SLC5A7: variants seen among roughly 807,000 people sequenced by gnomAD.
SLC5A7 encodes the protein solute carrier family 5 member 7.
A neutral mutation model predicts 55.4 loss-of-function variants in SLC5A7; 19 were observed. That is an observed-to-expected ratio of 0.34 (90% CI 0.24 to 0.50). The LOEUF (loss-of-function observed/expected upper bound fraction) is 0.50, where lower values mean the gene tolerates loss of function less well. Among genes scored for constraint, SLC5A7 ranks in the 20% least tolerant of loss-of-function variants. SLC5A7 has a pLI of 0.98. For synonymous variants in SLC5A7, 265 were observed against 263.7 expected, an observed-to-expected ratio of 1.00 and a Z score of -0.05; for missense variants, 506 against 705.3, an observed-to-expected ratio of 0.72 and a Z score of 3.20.
Position 108,010,438 on chromosome 2 carries a change from T to A in SLC5A7, c.1320T>A (p.Val440=), listed in dbSNP as rs1477392149. 1.2e-6 allele frequency: 2 copies of A among 1,613,816 alleles called. No individual in the cohort carries two copies. Among genetic ancestry groups the A allele is most frequent in the Non-Finnish European group, 8.5e-7 (1 of 1,179,938 alleles). Residue 440 remains valine (V), a synonymous_variant, in exon 9 of 9, where the codon GTT becomes GTA. Coordinates refer to ENST00000264047, the MANE Select transcript of SLC5A7 (RefSeq NM_021815.5). ...TNTYGAVAGY[V]SGLFLRITGG... ...CCTATGGGGCCGTGGCAGGTTATGT[T>A]TCTGGCCTCTTCCTGAGAATAACTG...
In SLC5A7 at chr2:107,987,988, G is replaced by T. The variant is rs1677312320; in HGVS notation, c.-51-117G>T. On this transcript the variant is annotated intron_variant, in intron 1 of 8. Coordinates refer to ENST00000264047, the MANE Select transcript of SLC5A7 (RefSeq NM_021815.5). Reference sequence around the variant, plus strand: ...TGCCCGTTTCACGTGTGGTTTCAGGGTTGTACTCTTTCTGTGAGTGGCACA... The same window carrying T: ...TGCCCGTTTCACGTGTGGTTTCAGGTTTGTACTCTTTCTGTGAGTGGCACA... 1.3e-5 allele frequency: 7 copies of T among 546,864 alleles called. No individual in the cohort carries two copies. The South Asian group carries it at 2.4e-4, about 19-fold the overall frequency. 33.9% of individuals were successfully genotyped at this position (546,864 alleles called of 1,614,324 possible).
chr2:108,005,069 A>C (rs1208893894), intron 6 of SLC5A7, among the ~76,000 whole-genome samples: 1 of 152,204 alleles, frequency 6.6e-6, no homozygotes, highest in African/African-American at 2.4e-5. Context: ...TTCTGTACTA[A>C]CGTATGATGT....
At position 108,012,804 on chromosome 2, in the gene SLC5A7, A is replaced by C. The variant is rs2046510; in HGVS notation, c.*1943A>C. 85,084 of 151,942 alleles carry C rather than the reference A, an allele frequency of 0.56. 24,078 individuals carry two copies. The highest frequency in any genetic ancestry group is 0.71 in the East Asian group (3,664 of 5,150). The allele number at this position is 151,942 out of a possible 1,614,324, so 9.4% of individuals were successfully genotyped here. On this transcript the variant is annotated 3_prime_UTR_variant, in exon 9 of 9. Coordinates refer to ENST00000264047, the MANE Select transcript of SLC5A7 (RefSeq NM_021815.5). ...ATTGAAAAAAGAGAAAGGGGCAAGAAATTCATTAAAGAAAAACCACAGATA... is the reference window on the plus strand; with the variant it reads ...ATTGAAAAAAGAGAAAGGGGCAAGACATTCATTAAAGAAAAACCACAGATA...
rs1258335882 is a variant in SLC5A7 at position 108,013,950 on chromosome 2, T to A, written c.*3089T>A. On this transcript the variant is annotated 3_prime_UTR_variant, in exon 9 of 9. Coordinates refer to ENST00000264047, the MANE Select transcript of SLC5A7 (RefSeq NM_021815.5). Reference sequence around the variant, plus strand: ...GAATCTAATAAAATGGCTATTCCTCTTTTTACTTGGAAATAATAAATTAAC... The same window carrying A: ...GAATCTAATAAAATGGCTATTCCTCATTTTACTTGGAAATAATAAATTAAC... 1 of 152,130 alleles carries A rather than the reference T, an allele frequency of 6.6e-6. No homozygotes were observed. The highest frequency in any genetic ancestry group is 1.5e-5 in the Non-Finnish European group (1 of 68,012). The allele number at this position is 152,130 out of a possible 1,614,324, so 9.4% of individuals were successfully genotyped here. A position where few individuals can be genotyped will look rare whatever the true frequency, so the allele number is the denominator to read the frequency against.
intron 4 of SLC5A7, 71 bp downstream of exon 4, chr2:107,993,198 C>G: frequency 6.4e-7 from 1 of 1,556,384 alleles, no homozygotes. Context: ...ACCTTACTTT[C>G]CTCAGCCTTG....
chr2:107,986,978 C>T (rs1677269056), intron 1 of SLC5A7, among the ~76,000 whole-genome samples: 1 of 152,080 alleles, frequency 6.6e-6, no homozygotes, highest in Admixed American at 6.5e-5. Flanking sequence ...CGAGGAAAGG[C>T]CGCAGGGGGC....
intron 6 of SLC5A7, among the ~76,000 whole-genome samples, chr2:108,002,853 A>AC (rs1191492181): frequency 3.1e-3 from 465 of 151,754 alleles, no homozygotes; most frequent in African/African-American, 0.011. Context: ...CCCCATCTCT[A>AC]TAAAAAAAAA....
intron 4 of SLC5A7, among the ~76,000 whole-genome samples, chr2:107,993,577 G>A (rs1028556042): frequency 5.3e-5 from 8 of 152,234 alleles, no homozygotes; most frequent in Admixed American, 5.2e-4. Flanking sequence ...CTTCCAATAA[G>A]TGTTCTTCCT....
intron 7 of SLC5A7, among the ~76,000 whole-genome samples, chr2:108,007,311 G>A (rs577541514): frequency 6.6e-6 from 1 of 152,042 alleles, no homozygotes; most frequent in Non-Finnish European, 1.5e-5. Context: ...TTTTAGGAGA[G>A]CAGTCCTGGT....
At chr2:108,002,160 T>A in intron 6 of SLC5A7, 120 bp downstream of exon 6, 1 of 1,188,920 alleles carries the variant, frequency 8.4e-7, no homozygotes. Flanking sequence ...ATTTCTGAAT[T>A]GAGGACTCTC....
Position 107,988,345 on chromosome 2 carries a change from C to T in SLC5A7, c.178+12C>T. ...ATTTACCATGACAGGTACGTTCAGACGCCGCCGGCTCCATGCAGTCCTCCC... is the reference window on the plus strand; with the variant it reads ...ATTTACCATGACAGGTACGTTCAGATGCCGCCGGCTCCATGCAGTCCTCCC... On this transcript the variant is annotated intron_variant, in intron 2 of 8. Transcript: ENST00000264047. 2 of 1,602,826 alleles carry T rather than the reference C, an allele frequency of 1.2e-6. No individual in the cohort carries two copies. The highest frequency in any genetic ancestry group is 1.7e-6 in the Non-Finnish European group (2 of 1,171,518).
intron 6 of SLC5A7, among the ~76,000 whole-genome samples, chr2:108,003,726 C>G (rs193122353): frequency 6.6e-6 from 1 of 152,220 alleles, no homozygotes; most frequent in African/African-American, 2.4e-5. Context: ...ACTCATCTCT[C>G]TGATGGCAGC....
In SLC5A7 at chr2:107,988,225, T is replaced by C; in HGVS notation, c.70T>C (p.Trp24Arg). 3.7e-6 allele frequency: 6 copies of C among 1,614,212 alleles called. No individual in the cohort carries two copies. Among genetic ancestry groups the C allele is most frequent in the Non-Finnish European group, 5.1e-6 (6 of 1,180,010 alleles). Residue 24 changes from tryptophan to arginine, a missense_variant, in exon 2 of 9, where the codon TGG (tryptophan) becomes CGG (arginine). This residue lies in a region of SLC5A7 where 56 missense variants were observed against 62.6 expected (regional missense o/e 0.89). Coordinates refer to ENST00000264047, the MANE Select transcript of SLC5A7 (RefSeq NM_021815.5). Reference protein sequence around the residue: ...FYLLILLVGIWAAWRTKNSGS... With the variant: ...FYLLILLVGIRAAWRTKNSGS... ...CCTTCTAATTTTGCTGGTTGGAATA[T>C]GGGCTGCCTGGAGAACCAAAAACAG...
chr2:107,992,164 T>C lies in SLC5A7; in HGVS notation c.237T>C (p.Gly79=). 1.2e-6 allele frequency: 2 copies of C among 1,613,904 alleles called. No individual in the cohort carries two copies. The highest frequency in any genetic ancestry group is 1.7e-6 in the Non-Finnish European group (2 of 1,179,808). Residue 79 remains glycine, a synonymous_variant, in exon 3 of 9, where the codon GGT becomes GGC. Transcript: ENST00000264047. ...CAGCTGAAGCAGTTTATGTACCAGG[T>C]TATGGCCTAGCTTGGGCTCAGGCAC... ...NGTAEAVYVP[G]YGLAWAQAPI... is the part of the protein sequence containing the mutation.
At chr2:107,989,886 T>G (rs896393138) in intron 2 of SLC5A7, among the ~76,000 whole-genome samples, 1 of 152,176 alleles carries the variant, frequency 6.6e-6, no homozygotes, top group African/African-American at 2.4e-5. Context: ...TTTAGAATGG[T>G]TTTTTTCAAC....
At position 107,993,050 on chromosome 2, in the gene SLC5A7, A is replaced by G; in HGVS notation, c.371A>G (p.Lys124Arg). 6.2e-7 allele frequency: 1 copy of G among 1,614,236 alleles called. No individual in the cohort carries two copies. Among genetic ancestry groups the G allele is most frequent in the Non-Finnish European group, 8.5e-7 (1 of 1,180,046 alleles). The change falls in exon 4 of 9, where the codon AAA (lysine) becomes AGA (arginine). Residue 124 changes from lysine to arginine, a missense_variant. This residue lies in a region of SLC5A7 where 309 missense variants were observed against 478.6 expected (regional missense o/e 0.65). Transcript: ENST00000264047. ...GACCCGTTTCAGCAAATCTATGGAA[A>G]ACGCATGGGCGGACTCCTGTTTATT... ...MLDPFQQIYG[K>R]RMGGLLFIPA...
At chr2:108,002,689 T>C (rs1677961205) in intron 6 of SLC5A7, among the ~76,000 whole-genome samples, 1 of 152,106 alleles carries the variant, frequency 6.6e-6, no homozygotes, top group South Asian at 2.1e-4. Context: ...GAGTTAGGCC[T>C]GAAAATAACA....
At position 107,997,914 on chromosome 2, in the gene SLC5A7, C is replaced by T. The variant is rs1677735975; in HGVS notation, c.525C>T (p.Tyr175=). 3 of 1,613,974 alleles carry T rather than the reference C, an allele frequency of 1.9e-6. No individual in the cohort carries two copies. Among genetic ancestry groups the T allele is most frequent in the African/African-American group, 1.3e-5 (1 of 74,930 alleles). ...VIISALIATL[Y]TLVGGLYSVA... ...TCTCTGCACTCATTGCCACTCTGTACACACTGGTGGGAGGGCTCTATTCTG... is the reference window on the plus strand; with the variant it reads ...TCTCTGCACTCATTGCCACTCTGTATACACTGGTGGGAGGGCTCTATTCTG... Residue 175 remains tyrosine, a synonymous_variant, in exon 5 of 9, where the codon TAC becomes TAT. Coordinates refer to ENST00000264047, the MANE Select transcript of SLC5A7 (RefSeq NM_021815.5).
Position 108,012,846 on chromosome 2 carries a change from A to T in SLC5A7, c.*1985A>T, listed in dbSNP as rs1392425699. 1 of 152,138 alleles carries T rather than the reference A, an allele frequency of 6.6e-6. No homozygotes were observed. Among genetic ancestry groups the T allele is most frequent in the East Asian group, 1.9e-4 (1 of 5,188 alleles). The allele number at this position is 152,138 out of a possible 1,614,324, so 9.4% of individuals were successfully genotyped here. A position where few individuals can be genotyped will look rare whatever the true frequency, so the allele number is the denominator to read the frequency against. On this transcript the variant is annotated 3_prime_UTR_variant, in exon 9 of 9. Transcript: ENST00000264047. ...CCACAGATACTGAAACATTTGACAC[A>T]TAAAAGTAATTAATTGCTGGAGACT... is the stretch of plus-strand genomic sequence containing the variant.
Sources: gnomAD v4.1 joint callset for allele counts (sites outside exome capture counted in the v4.1 genomes callset) on GRCh38, gnomAD v4.1.1 for gene constraint, gnomAD v4.1.1 regional missense constraint, MANE v1.5 for transcripts, NCBI Gene and HGNC (gene_info 2026-07-23, HGNC 2026-07-21) for gene names.